Variants in ZNF385C observed in about 807,000 individuals in gnomAD.
ZNF385C encodes zinc finger protein 385C, also known as CTD-2132N18.2.
Under a neutral mutation model 35.4 loss-of-function variants are expected in ZNF385C, and 28 were observed. The observed-to-expected ratio is 0.79, with a 90% confidence interval of 0.59 to 1.08. ZNF385C has a LOEUF of 1.08. Ranked by LOEUF, ZNF385C falls within the 50% of genes least tolerant of loss-of-function variation. The pLI is 0.00. For synonymous variants in ZNF385C, 248 were observed against 248.2 expected (o/e 1.00, Z 0.01); for missense variants, 605 against 595.6 (o/e 1.02, Z -0.16).
In ZNF385C at chr17:42,050,660, C is replaced by CGCCA. The variant is rs2053262922; in HGVS notation, c.250+12143_250+12146dup. Reference sequence around the variant, plus strand: ...ACTAGCGGCAACGGGGGCGAAGAGGCGCCAGCAGCCAGCGCCGGCCAGGGT... The same window carrying CGCCA: ...ACTAGCGGCAACGGGGGCGAAGAGGCGCCAGCCAGCAGCCAGCGCCGGCCAGGGT... On this transcript the variant is annotated intron_variant, in intron 2 of 8. Coordinates refer to ENST00000692273, the MANE Select transcript of ZNF385C (RefSeq NM_001392013.1). This position sits in a 1 kb window ranked among gnomAD's most constrained non-coding sequence, Gnocchi z 5.6. 2.0e-5 allele frequency: 3 copies of CGCCA among 151,810 alleles called. No homozygotes were observed. In the South Asian group the frequency reaches 6.2e-4, roughly 31 times the overall value. 9.4% of individuals were successfully genotyped at this position (151,810 alleles called of 1,614,324 possible).
At chr17:42,068,352 G>A (rs1167968361) in intron 1 of ZNF385C, among the ~76,000 whole-genome samples, 1 of 152,168 alleles carries the variant, frequency 6.6e-6, no homozygotes, top group African/African-American at 2.4e-5. Flanking sequence ...CAGGGCAGTG[G>A]ACTTGCTTCA....
chr17:42,079,199 A>AT (rs1318654793), intron 1 of ZNF385C, among the ~76,000 whole-genome samples: 2 of 132,514 alleles, frequency 1.5e-5, no homozygotes, highest in African/African-American at 3.0e-5. Context: ...AAAAAAAAAA[A>AT]AAAAATATAT....
At chr17:42,086,399 A>C (rs557097096) in intron 1 of ZNF385C, among the ~76,000 whole-genome samples, 2 of 144,428 alleles carry the variant, frequency 1.4e-5, no homozygotes, top group East Asian at 4.2e-4. Flanking sequence ...TAAATAAATA[A>C]ATTTTAAAAA....
At position 42,028,987 on chromosome 17, in the gene ZNF385C, A is replaced by G; in HGVS notation, c.763T>C (p.Leu255=). ...TCREPAHSEL[L]DAASSSSSSS... is the part of the protein sequence containing the mutation. ...GAAGAGGATGAGGAGGCAGCATCCA[A>G]GAGCTCTGAGTGGGCTGGCTCCCTG... is the stretch of plus-strand genomic sequence containing the variant. The change falls in exon 6 of 9, where the codon TTG becomes CTG. Residue 255 remains leucine, a synonymous_variant. Transcript: ENST00000692273. The G allele has an allele frequency of 9.7e-6, 15 of 1,550,554 alleles. No homozygotes were observed. The highest frequency in any genetic ancestry group is 1.3e-5 in the Non-Finnish European group (15 of 1,146,994).
At chr17:42,035,219 T>A (rs920798541) in intron 3 of ZNF385C, among the ~76,000 whole-genome samples, 1 of 151,350 alleles carries the variant, frequency 6.6e-6, no homozygotes, top group Non-Finnish European at 1.5e-5. Context: ...TTTGTCAGCC[T>A]AGGCTTCTGC....
intron 1 of ZNF385C, among the ~76,000 whole-genome samples, chr17:42,069,465 G>T (rs11079031): frequency 6.6e-6 from 1 of 152,210 alleles, no homozygotes; most frequent in East Asian, 1.9e-4. Context: ...GGCAGCAGAC[G>T]GTTGTTTCTG....
chr17:42,074,627 G>C (rs1320991138), intron 1 of ZNF385C, among the ~76,000 whole-genome samples: 1 of 152,232 alleles, frequency 6.6e-6, no homozygotes, highest in African/African-American at 2.4e-5. Flanking sequence ...CTGACCTCAT[G>C]TTCCACCCGC....
intron 5 of ZNF385C, among the ~76,000 whole-genome samples, chr17:42,029,864 T>C (rs2052688079): frequency 6.6e-6 from 1 of 150,778 alleles, no homozygotes; most frequent in Non-Finnish European, 1.5e-5. Context: ...CGAAACACCA[T>C]CTGTACTAAA....
intron 1 of ZNF385C, among the ~76,000 whole-genome samples, chr17:42,088,937 C>CG (rs782267100): frequency 4.6e-5 from 7 of 152,042 alleles, no homozygotes; most frequent in Non-Finnish European, 8.8e-5. Context: ...GCGATCCTCC[C>CG]GCCTTGGCCT....
Position 42,028,103 on chromosome 17 carries a change from A to C in ZNF385C, c.1111T>G (p.Phe371Val), listed in dbSNP as rs2052636532. ...RGGRQGPSPAFHCALCQLQVN... is the reference protein window; with the variant it reads ...RGGRQGPSPAVHCALCQLQVN... ...TGGAGCTGACAGAGAGCACAGTGGAAGGCAGGGCTGGGCCCCTGCCGGCCG... is the reference window on the plus strand; with the variant it reads ...TGGAGCTGACAGAGAGCACAGTGGACGGCAGGGCTGGGCCCCTGCCGGCCG... Residue 371 changes from phenylalanine to valine, a missense_variant, in exon 7 of 9, where the codon TTC becomes GTC. By Grantham distance (50) the Phe-to-Val change is conservative. Transcript: ENST00000692273. 6.2e-7 allele frequency: 1 copy of C among 1,613,588 alleles called. No individual in the cohort carries two copies.
At position 42,079,187 on chromosome 17, in the gene ZNF385C, CAA is replaced by C. The variant is rs141880528; in HGVS notation, c.-2-16131_-2-16130del. 4.5e-3 allele frequency among the ~76,000 whole-genome samples: 515 copies of C among 113,998 alleles called. 3 individuals are homozygous for C. The highest frequency in any genetic ancestry group is 0.011 in the African/African-American group (310 of 28,892). 74.8% of individuals were successfully genotyped at this position (113,998 alleles called of 152,430 possible). On this transcript the variant is annotated intron_variant, in intron 1 of 8. Coordinates refer to ENST00000692273, the MANE Select transcript of ZNF385C (RefSeq NM_001392013.1). ...AGAAACATGACAAAACCCTGTCTCGCAAAAAAAAAAAAAAAAATATATATATA... is the reference window on the plus strand; with the variant it reads ...AGAAACATGACAAAACCCTGTCTCGCAAAAAAAAAAAAAAATATATATATA...
chr17:42,052,472 C>G (rs546715536), intron 2 of ZNF385C, among the ~76,000 whole-genome samples: 3 of 152,086 alleles, frequency 2.0e-5, no homozygotes, highest in Admixed American at 6.6e-5. Flanking sequence ...TATCTACACA[C>G]GAGATGTGTA....
At chr17:42,068,292 G>A (rs141625515) in intron 1 of ZNF385C, among the ~76,000 whole-genome samples, 30 of 152,308 alleles carry the variant, frequency 2.0e-4, no homozygotes, top group African/African-American at 6.0e-4. Context: ...ACTTGGACAG[G>A]ACCTAGTCCA....
intron 1 of ZNF385C, among the ~76,000 whole-genome samples, chr17:42,074,073 A>G (rs533165284): frequency 5.9e-5 from 9 of 152,032 alleles, no homozygotes; most frequent in Non-Finnish European, 1.0e-4. Flanking sequence ...CTCAAATGTT[A>G]CCTCCCCAGG....
rs183748328 is a variant in ZNF385C, at chr17:42,095,727, G to A, written c.-3+2683C>T. 2.6e-5 allele frequency among the ~76,000 whole-genome samples: 4 copies of A among 152,216 alleles called. No individual in the cohort carries two copies. Among genetic ancestry groups the A allele is most frequent in the South Asian group, 2.1e-4 (1 of 4,822 alleles). The stretch of plus-strand genomic sequence containing the variant: ...AATCTTCATTTCACCTTGAAACTCC[G>A]TCCTGGTCCAGGTAAGCATGTTCTA... On this transcript the variant is annotated intron_variant, in intron 1 of 8. Transcript: ENST00000692273. The surrounding 1 kb of genome is among the most constrained non-coding windows in gnomAD (Gnocchi z 4.4).
At chr17:42,040,350 G>T (rs2052987147) in intron 2 of ZNF385C, 4 of 1,231,708 alleles carry the variant, frequency 3.2e-6, no homozygotes, top group Non-Finnish European at 4.0e-6. Flanking sequence ...TGGCGTCAGG[G>T]TCCATGGATG....
chr17:42,082,541 T>C (rs1483418518), intron 1 of ZNF385C, among the ~76,000 whole-genome samples: 1 of 152,218 alleles, frequency 6.6e-6, no homozygotes, highest in African/African-American at 2.4e-5. Context: ...ACTGCACTCT[T>C]GGCCTTGCCC....
Position 42,047,080 on chromosome 17 carries a change from G to A in ZNF385C, c.251-9195C>T, listed in dbSNP as rs2053178915. Among the ~76,000 whole-genome samples, 7 of 146,774 alleles carry A rather than the reference G, an allele frequency of 4.8e-5. No individual in the cohort carries two copies. The South Asian group carries it at 1.5e-3, about 32-fold the overall frequency. ...GCAATTTCACTCTGTCACCCAGGCT[G>A]GAGCGCAGTGGCGCGATCTCGGCTC... On this transcript the variant is annotated intron_variant, in intron 2 of 8. Coordinates refer to ENST00000692273, the MANE Select transcript of ZNF385C (RefSeq NM_001392013.1).
At chr17:42,071,499 TC>T (rs1156408799) in intron 1 of ZNF385C, among the ~76,000 whole-genome samples, 2 of 151,806 alleles carry the variant, frequency 1.3e-5, no homozygotes, top group Non-Finnish European at 2.9e-5. Flanking sequence ...CCACTGACAC[TC>T]CCCCAAAGAC....
Sources: allele counts gnomAD v4.1 joint callset (sites outside exome capture counted in the v4.1 genomes callset), GRCh38; gene constraint gnomAD v4.1.1; non-coding constraint Gnocchi (gnomAD v3.1); transcripts MANE v1.5; gene names NCBI Gene and HGNC (gene_info 2026-07-23, HGNC 2026-07-21).